Variants in ELMO1 observed in about 807,000 individuals in gnomAD.
ELMO1 encodes the protein engulfment and cell motility 1.
Under a neutral mutation model 98.9 loss-of-function variants are expected in ELMO1, and 26 were observed. The observed-to-expected ratio is 0.26, with a 90% CI of 0.19 to 0.36. ELMO1 has a LOEUF of 0.36. Ranked by LOEUF, ELMO1 falls within the 10% of genes least tolerant of loss-of-function variation. The pLI is 1.00. For missense variants in ELMO1, 627 were observed against 935.2 expected, an observed-to-expected ratio of 0.67 and a Z score of 4.30; for synonymous variants, 346 against 346.0, an observed-to-expected ratio of 1.00 and a Z score of 0.00.
intron 16 of ELMO1, among the ~76,000 whole-genome samples, chr7:36,935,894 G>T (rs891040502): frequency 2.0e-5 from 3 of 152,154 alleles, no homozygotes; most frequent in Non-Finnish European, 4.4e-5. Flanking sequence ...ATTTTGGAAA[G>T]AAGTGAGCGA....
chr7:37,272,000 AT>A, intron 4 of ELMO1, 118 bp from the exon 5 acceptor site: 1 of 798,132 alleles, frequency 1.3e-6, no homozygotes, highest in Non-Finnish European at 2.0e-6. Context: ...CACTTGAATA[AT>A]TTTTAATTAT....
At chr7:37,240,043 T>C (rs80018791) in intron 7 of ELMO1, among the ~76,000 whole-genome samples, 22 of 124,834 alleles carry the variant, frequency 1.8e-4, no homozygotes, top group African/African-American at 3.8e-4. Context: ...TTTTTTTTTT[T>C]CTTTTTTTTT....
chr7:36,944,306 C>T (rs1787292744), intron 16 of ELMO1, among the ~76,000 whole-genome samples: 1 of 152,184 alleles, frequency 6.6e-6, no homozygotes, highest in Non-Finnish European at 1.5e-5. Flanking sequence ...TTGGGCACGA[C>T]AATCCTGAGA....
At chr7:36,904,439 C>A (rs1268800841) in intron 16 of ELMO1, among the ~76,000 whole-genome samples, 1 of 152,066 alleles carries the variant, frequency 6.6e-6, no homozygotes, top group African/African-American at 2.4e-5. Flanking sequence ...TGATCATAAT[C>A]CAAAACAGGA....
chr7:37,333,459 C>T (rs887096358), intron 2 of ELMO1, among the ~76,000 whole-genome samples: 9 of 152,182 alleles, frequency 5.9e-5, no homozygotes. Context: ...CACCAGCACC[C>T]ACCTACAGAG....
At chr7:37,385,734 A>G (rs896350700) in intron 1 of ELMO1, among the ~76,000 whole-genome samples, 1 of 152,254 alleles carries the variant, frequency 6.6e-6, no homozygotes, top group Non-Finnish European at 1.5e-5. Flanking sequence ...TGTTGAGTGA[A>G]CAGCTGAGCG....
intron 16 of ELMO1, among the ~76,000 whole-genome samples, chr7:36,938,463 G>T (rs879687470): frequency 1.3e-5 from 2 of 152,186 alleles, no homozygotes; most frequent in African/African-American, 2.4e-5. Flanking sequence ...AATCACAGAT[G>T]ATGTCTTTTT....
intron 11 of ELMO1, 150 bp downstream of exon 11, chr7:37,216,495 A>T: frequency 1.1e-6 from 1 of 919,402 alleles, no homozygotes; most frequent in Admixed American, 2.3e-5. Context: ...CCAATTCCAA[A>T]AACTCACTTT....
chr7:37,191,396 A>G (rs1791567657), intron 13 of ELMO1, among the ~76,000 whole-genome samples: 1 of 151,926 alleles, frequency 6.6e-6, no homozygotes, highest in Non-Finnish European at 1.5e-5. Context: ...TCATGGAAAC[A>G]AGGAAGTACT....
chr7:36,909,157 G>A (rs931378454), intron 16 of ELMO1, among the ~76,000 whole-genome samples: 7 of 152,174 alleles, frequency 4.6e-5, no homozygotes, highest in Non-Finnish European at 1.0e-4. Context: ...TTTAACCTAC[G>A]ATTAATGAAT....
At chr7:36,871,659 T>A (rs573832904) in intron 19 of ELMO1, among the ~76,000 whole-genome samples, 3 of 152,168 alleles carry the variant, frequency 2.0e-5, no homozygotes, top group African/African-American at 7.2e-5. Flanking sequence ...CATCCTTTCA[T>A]TGGGAAATTG....
At chr7:37,185,444 A>G (rs895597806) in intron 13 of ELMO1, among the ~76,000 whole-genome samples, 8 of 152,228 alleles carry the variant, frequency 5.3e-5, no homozygotes, top group Admixed American at 2.0e-4. Flanking sequence ...TTTATGTGAT[A>G]ACTGAGTTCC....
chr7:37,096,788 T>C lies in ELMO1; in HGVS notation c.1192-61A>G, dbSNP rs147701182. The stretch of plus-strand genomic sequence containing the variant: ...TCAATTGTGGAAAACATCAAGAATA[T>C]CACCTTCATTCCAATAGATGAATAC... On this transcript the variant is annotated intron_variant, in intron 14 of 21. Coordinates refer to ENST00000310758, the MANE Select transcript of ELMO1 (RefSeq NM_014800.11). 4.4e-5 allele frequency: 63 copies of C among 1,422,278 alleles called. No homozygotes were observed. In the East Asian group the frequency reaches 1.1e-3, roughly 24 times the overall value. The allele number at this position is 1,422,278 out of a possible 1,614,324, so 88.1% of individuals were successfully genotyped here. A position where few individuals can be genotyped will look rare whatever the true frequency, so the allele number is the denominator to read the frequency against.
At chr7:37,217,751 A>G (rs552516568) in intron 10 of ELMO1, 40 of 457,136 alleles carry the variant, frequency 8.8e-5, no homozygotes, top group African/African-American at 4.8e-4. Flanking sequence ...TGCTCTCTAC[A>G]TCAACCTAAC....
At chr7:37,204,365 C>A in intron 13 of ELMO1, 1 of 389,944 alleles carries the variant, frequency 2.6e-6, no homozygotes, top group Non-Finnish European at 5.1e-6. Flanking sequence ...AGCTGCAGAC[C>A]TTCGCGGTGA....
chr7:37,027,615 A>G (rs1336957202), intron 15 of ELMO1, among the ~76,000 whole-genome samples: 1 of 152,210 alleles, frequency 6.6e-6, no homozygotes, highest in Non-Finnish European at 1.5e-5. Flanking sequence ...AAATATTTTA[A>G]TATTTTTGCC....
chr7:37,094,114 G>A (rs937600161), intron 15 of ELMO1, among the ~76,000 whole-genome samples: 2 of 152,126 alleles, frequency 1.3e-5, no homozygotes, highest in African/African-American at 2.4e-5. Flanking sequence ...TGTAAGTACT[G>A]GATAGATTTT....
At chr7:37,406,853 T>C (rs1803791910) in intron 1 of ELMO1, among the ~76,000 whole-genome samples, 1 of 152,120 alleles carries the variant, frequency 6.6e-6, no homozygotes, top group African/African-American at 2.4e-5. Context: ...AATCAGGAAA[T>C]ATAAATTAAT....
intron 13 of ELMO1, among the ~76,000 whole-genome samples, chr7:37,186,872 G>A (rs1235261716): frequency 1.3e-5 from 2 of 152,150 alleles, no homozygotes; most frequent in African/African-American, 4.8e-5. Context: ...ATATACATTG[G>A]TGCAAGCACT....
Sources: gnomAD v4.1 joint callset for allele counts (sites outside exome capture counted in the v4.1 genomes callset) on GRCh38, gnomAD v4.1.1 for gene constraint, MANE v1.5 for transcripts, NCBI Gene and HGNC (gene_info 2026-07-23, HGNC 2026-07-21) for gene names.